Variants in RNF145 observed in about 807,000 individuals in gnomAD.
RNF145 encodes the protein ring finger protein 145.
A neutral mutation model predicts 57.3 loss-of-function variants in RNF145; 12 were observed. The ratio of observed to expected loss-of-function variants is 0.21; its 90% CI spans 0.13 to 0.34. The LOEUF (loss-of-function observed/expected upper bound fraction) is 0.34, where lower values mean the gene tolerates loss of function less well. RNF145 is among the 10% of genes least tolerant of loss of function. The pLI, the probability that RNF145 is intolerant of heterozygous loss-of-function variation, is 1.00. For missense variants in RNF145, 429 were observed against 799.0 expected (o/e 0.54, Z 5.58); for synonymous variants, 262 against 288.3 (o/e 0.91, Z 0.92).
intron 2 of RNF145, 129 bp from the exon 3 acceptor site, chr5:159,194,953 T>TA: frequency 1.6e-6 from 1 of 614,612 alleles, no homozygotes; most frequent in Non-Finnish European, 2.8e-6. Context: ...TTATTATACT[T>TA]ACCAAAGTAA....
At chr5:159,161,213 C>G in intron 10 of RNF145, 53 bp downstream of exon 10, 1 of 1,163,128 alleles carries the variant, frequency 8.6e-7, no homozygotes, top group Non-Finnish European at 1.2e-6. Context: ...GGTTACAGTC[C>G]CAAGGGATAC....
chr5:159,163,711 T>C (rs1362665739), intron 8 of RNF145, among the ~76,000 whole-genome samples: 4 of 152,212 alleles, frequency 2.6e-5, no homozygotes, highest in African/African-American at 4.8e-5. Context: ...TATCGTAATA[T>C]TTTCAACACT....
chr5:159,176,073 A>G (rs781521646), intron 5 of RNF145, among the ~76,000 whole-genome samples: 10 of 152,294 alleles, frequency 6.6e-5, no homozygotes, highest in South Asian at 6.2e-4. Context: ...TTCAAGTACT[A>G]TATCTAAATG....
intron 1 of RNF145, chr5:159,208,180 A>C: frequency 7.3e-7 from 1 of 1,360,884 alleles, no homozygotes; most frequent in Non-Finnish European, 9.5e-7. Flanking sequence ...ACCCCAACCC[A>C]GCTCGCGGCA....
chr5:159,172,368 C>T (rs1008437225), intron 6 of RNF145, among the ~76,000 whole-genome samples: 2 of 151,922 alleles, frequency 1.3e-5, no homozygotes, highest in Admixed American at 1.3e-4. Context: ...GTAATCCCAA[C>T]TACTTGGGAG....
rs1305895615 is a variant in RNF145 at position 159,176,943 on chromosome 5, TGATAAG to T, written c.386-82_386-77del. 3 of 801,774 alleles carry T rather than the reference TGATAAG, an allele frequency of 3.7e-6. No individual in the cohort carries two copies. The African/African-American group carries it at 5.2e-5, about 14-fold the overall frequency. The allele number at this position is 801,774 out of a possible 1,614,324, so 49.7% of individuals were successfully genotyped here. A position where few individuals can be genotyped will look rare whatever the true frequency, so the allele number is the denominator to read the frequency against. ...AATAAAAACAAACAAAAAACACTGT[TGATAAG>T]GATAATAACACAACTTTTGAAGAAG... On this transcript the variant is annotated intron_variant, in intron 4 of 10. Transcript: ENST00000424310.
chr5:159,201,342 T>A (rs1382128655), intron 2 of RNF145, among the ~76,000 whole-genome samples: 1 of 152,188 alleles, frequency 6.6e-6, no homozygotes, highest in Non-Finnish European at 1.5e-5. Flanking sequence ...TCTAGTAACT[T>A]AGCCCCAGGT....
intron 2 of RNF145, among the ~76,000 whole-genome samples, chr5:159,202,202 A>C (rs539507666): frequency 6.6e-6 from 1 of 152,226 alleles, no homozygotes; most frequent in African/African-American, 2.4e-5. Context: ...AAATATTTCA[A>C]CCTATTCAGA....
Position 159,169,823 on chromosome 5 carries a change from GA to G in RNF145, c.798-5del. The G allele has an allele frequency of 4.4e-6, 7 of 1,586,592 alleles. No individual in the cohort carries two copies. The highest frequency in any genetic ancestry group is 3.8e-5 in the Admixed American group (2 of 52,640). On this transcript the variant is annotated splice_polypyrimidine_tract_variant and splice_region_variant and intron_variant, in intron 6 of 10. Transcript: ENST00000424310. ...AGTGCTGCAGCATTCCGCAATACTGGAAAAAAAGAGGGGGAAATTAACAGAC... is the reference window on the plus strand; with the variant it reads ...AGTGCTGCAGCATTCCGCAATACTGGAAAAAAGAGGGGGAAATTAACAGAC...
intron 1 of RNF145, among the ~76,000 whole-genome samples, chr5:159,204,096 C>G (rs768053733): frequency 6.6e-6 from 1 of 152,162 alleles, no homozygotes; most frequent in African/African-American, 2.4e-5. Context: ...GATAACTGCA[C>G]GTTTAGTTTG....
intron 10 of RNF145, 37 bp from the exon 11 acceptor site, chr5:159,159,072 T>C: frequency 5.1e-6 from 8 of 1,560,414 alleles, no homozygotes; most frequent in Non-Finnish European, 6.9e-6. Flanking sequence ...TATAAATGTC[T>C]GTTTTCTAGT....
At chr5:159,174,693 C>T (rs1375722498) in intron 5 of RNF145, among the ~76,000 whole-genome samples, 1 of 152,052 alleles carries the variant, frequency 6.6e-6, no homozygotes, top group East Asian at 1.9e-4. Flanking sequence ...CCATACACAT[C>T]AATTCCCCTT....
chr5:159,182,096 TAGCGG>T, intron 3 of RNF145, 45 bp from the exon 4 acceptor site: 1 of 1,164,984 alleles, frequency 8.6e-7, no homozygotes, highest in Non-Finnish European at 1.3e-6. Flanking sequence ...GATACATTCC[TAGCGG>T]AATCACAATA....
At chr5:159,172,831 T>C (rs186087373) in intron 6 of RNF145, among the ~76,000 whole-genome samples, 11 of 152,322 alleles carry the variant, frequency 7.2e-5, no homozygotes, top group East Asian at 5.8e-4. Context: ...TTCCATCATA[T>C]TGGATGGCTG....
At chr5:159,189,496 C>A (rs1424117767) in intron 3 of RNF145, among the ~76,000 whole-genome samples, 1 of 152,188 alleles carries the variant, frequency 6.6e-6, no homozygotes, top group African/African-American at 2.4e-5. Context: ...TCATACACCG[C>A]TGGTAGAAAT....
At chr5:159,181,539 G>T (rs1784893327) in intron 4 of RNF145, among the ~76,000 whole-genome samples, 1 of 151,960 alleles carries the variant, frequency 6.6e-6, no homozygotes, top group South Asian at 2.1e-4. Flanking sequence ...TTAACATTCT[G>T]CTACCTGAAT....
chr5:159,209,377 C>G lies in RNF145; in HGVS notation c.-186G>C. The G allele has an allele frequency of 3.0e-6, 3 of 986,046 alleles. No homozygotes were observed. The highest frequency in any genetic ancestry group is 3.6e-6 in the Non-Finnish European group (3 of 829,960). 61.1% of individuals were successfully genotyped at this position (986,046 alleles called of 1,614,324 possible). A position where few individuals can be genotyped will look rare whatever the true frequency, so the allele number is the denominator to read the frequency against. ...GCTCACAGCGGCGGCTCTTCTGCGCCGAGCCTCGGATGTTGCTTCTGGGGA... is the reference window on the plus strand; with the variant it reads ...GCTCACAGCGGCGGCTCTTCTGCGCGGAGCCTCGGATGTTGCTTCTGGGGA... On this transcript the variant is annotated 5_prime_UTR_variant, in exon 1 of 11. Transcript: ENST00000424310.
At chr5:159,180,150 T>TACA (rs1205774588) in intron 4 of RNF145, among the ~76,000 whole-genome samples, 1 of 152,080 alleles carries the variant, frequency 6.6e-6, no homozygotes, top group Non-Finnish European at 1.5e-5. Flanking sequence ...ACTGGACTCT[T>TACA]ACAATGATGT....
At position 159,162,425 on chromosome 5, in the gene RNF145, C is replaced by CTT. The variant is rs201178143; in HGVS notation, c.1269+505_1269+506dup. ...CATCAATAGGTTTATGTAATATTTT[C>CTT]TTTTTTTTTTTTTTTTTTTTGAGAC... On this transcript the variant is annotated intron_variant, in intron 9 of 10. Transcript: ENST00000424310. Among the ~76,000 whole-genome samples, 326 of 134,544 alleles carry CTT rather than the reference C, an allele frequency of 2.4e-3. 12 individuals are homozygous for CTT. Among genetic ancestry groups the CTT allele is most frequent in the African/African-American group, 7.7e-3 (272 of 35,454 alleles). The allele number at this position is 134,544 out of a possible 152,430, so 88.3% of individuals were successfully genotyped here.
Sources: gnomAD v4.1 joint callset for allele counts (sites outside exome capture counted in the v4.1 genomes callset) on GRCh38, gnomAD v4.1.1 for gene constraint, MANE v1.5 for transcripts, NCBI Gene and HGNC (gene_info 2026-07-23, HGNC 2026-07-21) for gene names.